PDCD10: variants seen among roughly 807,000 people sequenced by gnomAD.
PDCD10 encodes the protein programmed cell death protein 10.
PDCD10 carries 4 observed loss-of-function variants against 29.2 expected under a neutral mutation model. The ratio of observed to expected loss-of-function variants is 0.14; its 90% CI spans 0.07 to 0.31. PDCD10 has a LOEUF of 0.31. PDCD10 is among the 10% of genes least tolerant of loss of function. PDCD10 has a pLI of 1.00. For missense variants in PDCD10, 183 were observed against 257.9 expected, an observed-to-expected ratio of 0.71 and a Z score of 1.99; for synonymous variants, 70 against 82.2, an observed-to-expected ratio of 0.85 and a Z score of 0.80.
At chr3:167,706,180 T>C (rs1721945277) in intron 3 of PDCD10, among the ~76,000 whole-genome samples, 1 of 152,350 alleles carries the variant, frequency 6.6e-6, no homozygotes, top group South Asian at 2.1e-4. Flanking sequence ...ACAGCATCTC[T>C]AGATTTCTAG....
chr3:167,686,925 G>A (rs1719686494), intron 8 of PDCD10, among the ~76,000 whole-genome samples: 1 of 152,158 alleles, frequency 6.6e-6, no homozygotes, highest in Non-Finnish European at 1.5e-5. Flanking sequence ...CCCCTTGTTT[G>A]TACATTGTCT....
chr3:167,696,052 A>C (rs536272171), intron 5 of PDCD10, among the ~76,000 whole-genome samples: 1 of 152,192 alleles, frequency 6.6e-6, no homozygotes, highest in Admixed American at 6.5e-5. Flanking sequence ...CTCTGACATT[A>C]CATTTCCCAA....
At chr3:167,709,377 C>T (rs576483484) in intron 3 of PDCD10, among the ~76,000 whole-genome samples, 61 of 152,120 alleles carry the variant, frequency 4.0e-4, no homozygotes, top group Non-Finnish European at 7.5e-4. Context: ...ACCCCTCCCC[C>T]CATCCCGCAA....
chr3:167,718,086 T>C (rs149297894), intron 3 of PDCD10, among the ~76,000 whole-genome samples: 1 of 152,012 alleles, frequency 6.6e-6, no homozygotes, highest in African/African-American at 2.4e-5. Context: ...CTGGGTGGAA[T>C]TGTGATAATG....
At chr3:167,706,507 C>T (rs1483045490) in intron 3 of PDCD10, among the ~76,000 whole-genome samples, 9 of 152,152 alleles carry the variant, frequency 5.9e-5, no homozygotes, top group Admixed American at 5.9e-4. Context: ...TACTGAACTA[C>T]TATAGGCAAC....
chr3:167,722,359 A>G (rs1430252064), intron 2 of PDCD10, among the ~76,000 whole-genome samples: 3 of 152,202 alleles, frequency 2.0e-5, no homozygotes, highest in African/African-American at 7.2e-5. Flanking sequence ...TGTTTTATAA[A>G]AGGAAAGTCA....
rs1046443648 is a variant in PDCD10 at position 167,734,272 on chromosome 3, A to G, written c.-175T>C. On this transcript the variant is annotated 5_prime_UTR_variant, in exon 2 of 9. Transcript: ENST00000392750. ...CTGTTTAAGGCAAAATTATCTCCTT[A>G]GAGGGCCACATCATTAAACTGGAAC... The G allele has an allele frequency of 2.0e-5, 3 of 152,454 alleles. No homozygotes were observed. In the East Asian group the frequency reaches 5.8e-4, roughly 29 times the overall value. The allele number at this position is 152,454 out of a possible 1,614,324, so 9.4% of individuals were successfully genotyped here. A position where few individuals can be genotyped will look rare whatever the true frequency, so the allele number is the denominator to read the frequency against.
At position 167,730,358 on chromosome 3, in the gene PDCD10, A is replaced by G. The variant is rs969329920; in HGVS notation, c.-117+3856T>C. On this transcript the variant is annotated intron_variant, in intron 2 of 8. Coordinates refer to ENST00000392750, the MANE Select transcript of PDCD10 (RefSeq NM_007217.4). ...TATGGAAAAAATTACTTATCATGTA[A>G]GTGGCTTAAAATTCTTAGTAACACC... 3.3e-5 allele frequency among the ~76,000 whole-genome samples: 5 copies of G among 152,160 alleles called. No individual in the cohort carries two copies. In the East Asian group the frequency reaches 9.6e-4, roughly 29 times the overall value.
At chr3:167,729,474 A>C (rs1348035282) in intron 2 of PDCD10, among the ~76,000 whole-genome samples, 1 of 152,198 alleles carries the variant, frequency 6.6e-6, no homozygotes, top group Non-Finnish European at 1.5e-5. Context: ...CTCTTGAGTC[A>C]GCCAGCCTGG....
rs1719758064 is a variant in PDCD10 at position 167,687,626 on chromosome 3, G to C, written c.463C>G (p.Gln155Glu). ...TCTACTAAACGTACCCTGCGGTTCT[G>C]GTATTGATATTTCTTGAAGACATTA... ...VNNVFKKYQY[Q>E]NRRALEHQKK... The change falls in exon 7 of 9, where the codon CAG (glutamine) becomes GAG (glutamate). Residue 155 changes from glutamine (Q) to glutamate (E), a missense_variant. By Grantham distance (29) the Gln-to-Glu change is conservative (BLOSUM62 2). Transcript: ENST00000392750. The C allele has an allele frequency of 6.3e-7, 1 of 1,587,662 alleles. No individual in the cohort carries two copies.
At chr3:167,710,660 G>A (rs1320065082) in intron 3 of PDCD10, among the ~76,000 whole-genome samples, 1 of 152,218 alleles carries the variant, frequency 6.6e-6, no homozygotes, top group Non-Finnish European at 1.5e-5. Flanking sequence ...AAATGTGGCT[G>A]GCTTCACTAC....
chr3:167,689,065 G>A (rs1242181277), intron 6 of PDCD10, among the ~76,000 whole-genome samples: 1 of 152,096 alleles, frequency 6.6e-6, no homozygotes, highest in African/African-American at 2.4e-5. Flanking sequence ...GTCAAACACT[G>A]GTATTGGGCT....
intron 2 of PDCD10, among the ~76,000 whole-genome samples, chr3:167,729,017 A>T (rs748060247): frequency 5.9e-5 from 9 of 152,212 alleles, no homozygotes; most frequent in Non-Finnish European, 1.0e-4. Flanking sequence ...CTACTGCAGT[A>T]TGTGATAATT....
intron 6 of PDCD10, among the ~76,000 whole-genome samples, chr3:167,689,474 G>A (rs889143482): frequency 2.6e-5 from 4 of 152,086 alleles, no homozygotes; most frequent in Admixed American, 6.5e-5. Context: ...ATGTGTTTCC[G>A]GGGCTAGTCA....
chr3:167,728,318 T>C (rs538397267), intron 2 of PDCD10, among the ~76,000 whole-genome samples: 1 of 152,156 alleles, frequency 6.6e-6, no homozygotes, highest in Non-Finnish European at 1.5e-5. Flanking sequence ...TAGGGTGCAG[T>C]TGCTGTCTAG....
chr3:167,729,627 T>G (rs533713267), intron 2 of PDCD10, among the ~76,000 whole-genome samples: 1 of 152,362 alleles, frequency 6.6e-6, no homozygotes, highest in Non-Finnish European at 1.5e-5. Flanking sequence ...TAAGAGATCC[T>G]GTAAAATGCT....
At chr3:167,694,661 A>C (rs973213014) in intron 6 of PDCD10, 1 of 152,732 alleles carries the variant, frequency 6.5e-6, no homozygotes, top group African/African-American at 2.4e-5. Flanking sequence ...GGGAAGGCGC[A>C]TATCAGATGC....
At chr3:167,706,820 T>C (rs1722023786) in intron 3 of PDCD10, among the ~76,000 whole-genome samples, 2 of 152,234 alleles carry the variant, frequency 1.3e-5, no homozygotes, top group African/African-American at 4.8e-5. Flanking sequence ...TAATCTCTTA[T>C]CCATAAATTT....
At chr3:167,698,013 C>A (rs761475288) in intron 4 of PDCD10, 10 of 456,236 alleles carry the variant, frequency 2.2e-5, no homozygotes, top group Admixed American at 2.1e-4. Flanking sequence ...ACACAATTTA[C>A]GATCTTAATC....
Sources: allele counts gnomAD v4.1 joint callset (sites outside exome capture counted in the v4.1 genomes callset), GRCh38; gene constraint gnomAD v4.1.1; transcripts MANE v1.5; gene names NCBI Gene and HGNC (gene_info 2026-07-23, HGNC 2026-07-21).